ADK: variants seen among roughly 807,000 people sequenced by gnomAD.
ADK encodes the protein N6,N6-dimethyladenosine kinase.
ADK carries 24 observed loss-of-function variants against 44.7 expected under a neutral mutation model. The ratio of observed to expected loss-of-function variants is 0.54; its 90% CI spans 0.39 to 0.76. The LOEUF (loss-of-function observed/expected upper bound fraction) is 0.76. Among genes scored for constraint, ADK ranks in the 30% least tolerant of loss-of-function variants. The pLI, the probability that ADK is intolerant of heterozygous loss-of-function variation, is 0.00. For missense variants in ADK, 321 were observed against 425.1 expected, an observed-to-expected ratio of 0.76 and a Z score of 2.15; for synonymous variants, 128 against 142.6, an observed-to-expected ratio of 0.90 and a Z score of 0.73.
chr10:74,200,393 A>G (rs1361089447), intron 1 of ADK, among the ~76,000 whole-genome samples: 2 of 151,456 alleles, frequency 1.3e-5, no homozygotes, highest in African/African-American at 4.9e-5. Flanking sequence ...CTGAGGCAGG[A>G]GAATCACTTG....
intron 8 of ADK, among the ~76,000 whole-genome samples, chr10:74,596,965 T>C (rs1007175959): frequency 6.6e-5 from 10 of 152,240 alleles, no homozygotes; most frequent in African/African-American, 1.9e-4. Context: ...TAGAGCTATG[T>C]ACATGGCTCA....
intron 3 of ADK, among the ~76,000 whole-genome samples, chr10:74,243,473 A>G (rs1346522370): frequency 6.6e-6 from 1 of 152,218 alleles, no homozygotes; most frequent in Non-Finnish European, 1.5e-5. Context: ...CATAGGTATT[A>G]TGTGTCTGTT....
chr10:74,584,919 G>T (rs1851481938), intron 7 of ADK, among the ~76,000 whole-genome samples: 1 of 152,162 alleles, frequency 6.6e-6, no homozygotes, highest in Admixed American at 6.5e-5. Context: ...TATGGTTTTA[G>T]TTTAATATTG....
chr10:74,425,552 A>G (rs764942639), intron 6 of ADK, among the ~76,000 whole-genome samples: 6 of 151,836 alleles, frequency 4.0e-5, no homozygotes, highest in Non-Finnish European at 5.9e-5. Flanking sequence ...ACATTTTTCT[A>G]TTTCACACTA....
intron 2 of ADK, among the ~76,000 whole-genome samples, chr10:74,214,246 A>G (rs1843934579): frequency 6.6e-6 from 1 of 152,134 alleles, no homozygotes; most frequent in Non-Finnish European, 1.5e-5. Context: ...GTAGTGATTA[A>G]TGGTTTTGCC....
chr10:74,672,519 A>C (rs1248955329), intron 10 of ADK, among the ~76,000 whole-genome samples: 1 of 152,234 alleles, frequency 6.6e-6, no homozygotes, highest in African/African-American at 2.4e-5. Flanking sequence ...AAGCAGGTAG[A>C]AACTAGGCAG....
chr10:74,628,907 T>C lies in ADK; in HGVS notation c.877+28414T>C, dbSNP rs576895883. Among the ~76,000 whole-genome samples the C allele has an allele frequency of 2.0e-5, 3 of 152,256 alleles. No individual in the cohort carries two copies. The South Asian group carries it at 6.2e-4, about 32-fold the overall frequency. On this transcript the variant is annotated intron_variant, in intron 9 of 10. Transcript: ENST00000539909. The stretch of plus-strand genomic sequence containing the variant: ...ATCAGTCATAGCTAAAGATAGGGAA[T>C]CTAGACCAAAGCTCATTCCAGTTCC...
intron 10 of ADK, among the ~76,000 whole-genome samples, chr10:74,695,882 T>G (rs558827725): frequency 6.6e-6 from 1 of 152,056 alleles, no homozygotes; most frequent in South Asian, 2.1e-4. Context: ...TTAAGCGACC[T>G]GCCCACCTTA....
intron 6 of ADK, among the ~76,000 whole-genome samples, chr10:74,483,802 C>G (rs141221195): frequency 9.8e-5 from 15 of 152,330 alleles, no homozygotes; most frequent in African/African-American, 3.6e-4. Flanking sequence ...TAAAGCATAG[C>G]AAGAGTGACC....
chr10:74,246,120 G>C (rs535595537), intron 3 of ADK, among the ~76,000 whole-genome samples: 1 of 150,562 alleles, frequency 6.6e-6, no homozygotes, highest in Non-Finnish European at 1.5e-5. Context: ...TCTTGTGGGA[G>C]GGGGGGGTCA....
chr10:74,586,335 G>A (rs971134274), intron 7 of ADK, among the ~76,000 whole-genome samples: 3 of 152,146 alleles, frequency 2.0e-5, no homozygotes, highest in African/African-American at 7.2e-5. Flanking sequence ...ATAGGGCACA[G>A]CTCAGCAAAC....
At chr10:74,565,727 CAAAA>C (rs398014155) in intron 7 of ADK, among the ~76,000 whole-genome samples, 1 of 63,380 alleles carries the variant, frequency 1.6e-5, no homozygotes, top group South Asian at 5.7e-4. Flanking sequence ...AACTCCGTCT[CAAAA>C]AAAAAAAAAA....
chr10:74,204,766 G>A (rs919038204), intron 2 of ADK, among the ~76,000 whole-genome samples: 1 of 152,000 alleles, frequency 6.6e-6, no homozygotes, highest in Non-Finnish European at 1.5e-5. Context: ...ATTTCAGGCT[G>A]GGCGTGGTGG....
chr10:74,228,570 T>C (rs1844636069), intron 3 of ADK, among the ~76,000 whole-genome samples: 1 of 152,188 alleles, frequency 6.6e-6, no homozygotes, highest in African/African-American at 2.4e-5. Flanking sequence ...TATATGTCAA[T>C]TATACTTCAA....
In ADK at chr10:74,391,650, T is replaced by TACACACACACAC. The variant is rs1491120125; in HGVS notation, c.274-2490_274-2489insCACACACACACA. ...TGAATTCAGGAGTTCGAGGCAAGAA[T>TACACACACACAC]ATACACACACACACACACACACACA... is the stretch of plus-strand genomic sequence containing the variant. On this transcript the variant is annotated intron_variant, in intron 4 of 10. Transcript: ENST00000539909. 4.6e-3 allele frequency among the ~76,000 whole-genome samples: 616 copies of TACACACACACAC among 134,674 alleles called. 1 individual carries two copies. Among genetic ancestry groups the TACACACACACAC allele is most frequent in the African/African-American group, 8.8e-3 (291 of 32,980 alleles). The allele number at this position is 134,674 out of a possible 152,430, so 88.4% of individuals were successfully genotyped here.
At chr10:74,699,040 G>A (rs1253193324) in intron 10 of ADK, among the ~76,000 whole-genome samples, 3 of 148,318 alleles carry the variant, frequency 2.0e-5, no homozygotes, top group South Asian at 2.1e-4. Flanking sequence ...ATGTAGAGAC[G>A]AGTCTCCCTG....
rs571489214 is a variant in ADK, at chr10:74,542,313, A to G, written c.726+16887A>G. 1.5e-3 allele frequency among the ~76,000 whole-genome samples: 223 copies of G among 152,322 alleles called. 1 individual carries two copies. Among genetic ancestry groups the G allele is most frequent in the African/African-American group, 5.0e-3 (208 of 41,580 alleles). On this transcript the variant is annotated intron_variant, in intron 7 of 10. Transcript: ENST00000539909. ...GCCTGGATTCCTTTTCCTGGAAACTATGGAGATAATAAGTGTTTGTTATTT... is the reference window on the plus strand; with the variant it reads ...GCCTGGATTCCTTTTCCTGGAAACTGTGGAGATAATAAGTGTTTGTTATTT...
chr10:74,187,738 T>C (rs1004762200), intron 1 of ADK, among the ~76,000 whole-genome samples: 27 of 152,322 alleles, frequency 1.8e-4, no homozygotes, highest in African/African-American at 5.8e-4. Flanking sequence ...AAGCTTTATG[T>C]TTTTGTCTTT....
intron 6 of ADK, among the ~76,000 whole-genome samples, chr10:74,476,913 C>CT (rs536059784): frequency 7.1e-4 from 108 of 151,872 alleles, no homozygotes; most frequent in African/African-American, 2.6e-3. Flanking sequence ...GTGGTTCTGG[C>CT]TTTTTTTTAC....
Sources: gnomAD v4.1 joint callset for allele counts (sites outside exome capture counted in the v4.1 genomes callset) on GRCh38, gnomAD v4.1.1 for gene constraint, MANE v1.5 for transcripts, NCBI Gene and HGNC (gene_info 2026-07-23, HGNC 2026-07-21) for gene names.